The following TANC2 variants were observed in gnomAD, a reference collection of about 807,000 sequenced individuals.
The protein encoded by TANC2 is tetratricopeptide repeat, ankyrin repeat and coiled-coil containing 2.
TANC2 carries 26 observed loss-of-function variants against 210.5 expected under a neutral mutation model. The observed-to-expected ratio is 0.12, with a 90% CI of 0.09 to 0.17. TANC2 has a LOEUF of 0.17. TANC2 is among the 10% of genes least tolerant of loss of function. The probability of loss-of-function intolerance (pLI) is 1.00; values close to 1 mark genes in which losing one functional copy is unlikely to be tolerated. For missense variants in TANC2, 2,129 were observed against 2,608.9 expected, an observed-to-expected ratio of 0.82 and a Z score of 4.01; for synonymous variants, 931 against 967.1, an observed-to-expected ratio of 0.96 and a Z score of 0.69.
Position 63,009,461 on chromosome 17 carries a change from T to C in TANC2, c.-23-76T>C. The C allele has an allele frequency of 3.2e-6, 3 of 930,424 alleles. No individual in the cohort carries two copies. In the South Asian group the frequency reaches 4.5e-5, roughly 14 times the overall value. 57.6% of individuals were successfully genotyped at this position (930,424 alleles called of 1,614,324 possible). A position where few individuals can be genotyped will look rare whatever the true frequency, so the allele number is the denominator to read the frequency against. On this transcript the variant is annotated intron_variant, in intron 1 of 27. Coordinates refer to ENST00000689528, the Ensembl canonical transcript of TANC2. The stretch of plus-strand genomic sequence containing the variant: ...TTTAAGTTATTAAAACATGTATAGT[T>C]ATTGACTATAGTCACCCTCTTATGC...
At chr17:63,425,846 AG>A (rs2049130218) in exon 28 of TANC2, 1 of 152,272 alleles carries the variant, frequency 6.6e-6, no homozygotes, top group South Asian at 2.1e-4. Context: ...TACATGGAGA[AG>A]CCCCTTCTTC....
intron 2 of TANC2, among the ~76,000 whole-genome samples, chr17:63,030,530 C>G (rs189981533): frequency 4.4e-4 from 67 of 152,194 alleles, no homozygotes; most frequent in Non-Finnish European, 8.4e-4. Context: ...CAACTAATCC[C>G]TTCTTGGGTC....
intron 1 of TANC2, among the ~76,000 whole-genome samples, chr17:62,999,199 C>G (rs532808632): frequency 1.3e-5 from 2 of 152,036 alleles, no homozygotes; most frequent in African/African-American, 4.8e-5. Flanking sequence ...TGTGGCACCT[C>G]CCCCCAACAC....
intron 14 of TANC2, among the ~76,000 whole-genome samples, chr17:63,357,341 C>A (rs148498418): frequency 6.6e-6 from 1 of 152,168 alleles, no homozygotes; most frequent in Admixed American, 6.5e-5. Flanking sequence ...GGAGAAAATA[C>A]GGCTTTTATA....
At chr17:63,410,785 C>T (rs905526231) in intron 21 of TANC2, among the ~76,000 whole-genome samples, 2 of 138,468 alleles carry the variant, frequency 1.4e-5, no homozygotes, top group East Asian at 2.4e-4. Context: ...TGTCTGAACC[C>T]GGGAGGTGGA....
exon 12 of TANC2, chr17:63,340,236 C>T (rs189418855): frequency 6.2e-7 from 1 of 1,613,974 alleles, no homozygotes; most frequent in Non-Finnish European, 8.5e-7. Flanking sequence ...TCGGGAACCT[C>T]ACCTGCAGAG....
intron 3 of TANC2, among the ~76,000 whole-genome samples, chr17:63,075,435 A>G (rs2036536137): frequency 6.6e-6 from 1 of 152,256 alleles, no homozygotes; most frequent in South Asian, 2.1e-4. Context: ...TGAAGTCACC[A>G]GGAATTGTAT....
At chr17:63,338,876 C>T (rs1365992174) in intron 11 of TANC2, 6 of 152,088 alleles carry the variant, frequency 3.9e-5, no homozygotes. Context: ...ACATTTCCAA[C>T]ATGTGTTAGA....
intron 15 of TANC2, 40 bp from the exon 16 acceptor site, chr17:63,388,595 T>G (rs878998258): frequency 6.4e-7 from 1 of 1,571,200 alleles, no homozygotes; most frequent in African/African-American, 1.4e-5. Context: ...TACTTTTTTT[T>G]GCTGGGCTAC....
chr17:63,090,200 G>C (rs1334292967), intron 3 of TANC2, among the ~76,000 whole-genome samples: 1 of 145,332 alleles, frequency 6.9e-6, no homozygotes, highest in Non-Finnish European at 1.5e-5. Context: ...CCGTATTACT[G>C]ACTTTTTTTT....
chr17:63,263,281 T>C (rs1475267850), intron 8 of TANC2, among the ~76,000 whole-genome samples: 2 of 152,172 alleles, frequency 1.3e-5, no homozygotes, highest in African/African-American at 4.8e-5. Flanking sequence ...CAAATCTTGC[T>C]TATTTAAGAT....
intron 2 of TANC2, among the ~76,000 whole-genome samples, chr17:63,019,373 A>G (rs2034251386): frequency 6.6e-6 from 1 of 151,742 alleles, no homozygotes; most frequent in South Asian, 2.1e-4. Context: ...GCATGCCATC[A>G]CCCCTGGCTA....
chr17:63,209,088 C>T (rs2041807770), intron 7 of TANC2, among the ~76,000 whole-genome samples: 1 of 152,046 alleles, frequency 6.6e-6, no homozygotes, highest in African/African-American at 2.4e-5. Context: ...TCACTGCAAC[C>T]TCCACCTCAA....
intron 13 of TANC2, among the ~76,000 whole-genome samples, chr17:63,353,808 T>C (rs1386413002): frequency 6.6e-6 from 1 of 152,156 alleles, no homozygotes; most frequent in Non-Finnish European, 1.5e-5. Context: ...AGATGCGTTG[T>C]GTCAAATATT....
At position 63,420,452 on chromosome 17, in the gene TANC2, T is replaced by A; in HGVS notation, c.4722T>A (p.Ser1574=). The A allele has an allele frequency of 6.2e-7, 1 of 1,613,882 alleles. No individual in the cohort carries two copies. ...ATCAGTCCACCTCACCTGCCCTTTC[T>A]CCAACTCATCAGAACTCACATTACA... Residue 1574 remains serine, a synonymous_variant, in exon 28 of 28, where the codon TCT becomes TCA. Transcript: ENST00000689528. The surrounding 1 kb of genome is among the most constrained non-coding windows in gnomAD (Gnocchi z 4.2).
intron 5 of TANC2, among the ~76,000 whole-genome samples, chr17:63,181,023 CAAAAAAAAAAA>C (rs1171748208): frequency 1.2e-3 from 38 of 30,666 alleles, no homozygotes; most frequent in South Asian, 2.2e-3. Flanking sequence ...GACTCCATCT[CAAAAAAAAAAA>C]AAAAAAAAAA....
At chr17:63,027,381 A>G (rs1266395907) in intron 2 of TANC2, among the ~76,000 whole-genome samples, 1 of 152,106 alleles carries the variant, frequency 6.6e-6, no homozygotes, top group Non-Finnish European at 1.5e-5. Flanking sequence ...AGTTAAATAT[A>G]TGATTTTGTC....
chr17:63,338,113 G>T (rs1394561765), intron 11 of TANC2, among the ~76,000 whole-genome samples: 1 of 152,140 alleles, frequency 6.6e-6, no homozygotes, highest in Admixed American at 6.5e-5. Context: ...AGAATGATTT[G>T]TATTTCTTTG....
intron 7 of TANC2, among the ~76,000 whole-genome samples, chr17:63,223,853 T>G (rs1374438425): frequency 6.6e-6 from 1 of 152,142 alleles, no homozygotes; most frequent in East Asian, 1.9e-4. Flanking sequence ...AGGTGGGTGC[T>G]GATCTCCTAC....
Sources: gnomAD v4.1 joint callset for allele counts (sites outside exome capture counted in the v4.1 genomes callset) on GRCh38, gnomAD v4.1.1 for gene constraint, Gnocchi (gnomAD v3.1) non-coding constraint, MANE v1.5 for transcripts, NCBI Gene and HGNC (gene_info 2026-07-23, HGNC 2026-07-21) for gene names.